The following CHODL variants were observed in gnomAD, a reference collection of about 807,000 sequenced individuals.
CHODL encodes chondrolectin.
In CHODL, 29 loss-of-function variants were observed where a neutral mutation model predicts 34.5. That is an observed-to-expected ratio of 0.84 (90% CI 0.63 to 1.15). The LOEUF is 1.15. CHODL is among the 50% of genes most tolerant of loss of function. CHODL has a pLI of 0.00. For synonymous variants in CHODL, 125 were observed against 116.1 expected, an observed-to-expected ratio of 1.08 and a Z score of -0.49; for missense variants, 332 against 332.5, an observed-to-expected ratio of 1.00 and a Z score of 0.01.
At chr21:18,086,043 T>C (rs961196409) in intron 2 of CHODL, among the ~76,000 whole-genome samples, 1 of 47,906 alleles carries the variant, frequency 2.1e-5, no homozygotes, top group African/African-American at 2.1e-4. Flanking sequence ...ACTTTGTTCT[T>C]TTTTTTTTTT....
chr21:18,109,164 A>G, intron 2 of CHODL, among the ~76,000 whole-genome samples: 1 of 152,266 alleles, frequency 6.6e-6, no homozygotes, highest in East Asian at 1.9e-4. Context: ...AGTTGTAGGG[A>G]TGACTTATAT....
chr21:17,998,313 GTC>G (rs962297113), intron 1 of CHODL, among the ~76,000 whole-genome samples: 1 of 152,204 alleles, frequency 6.6e-6, no homozygotes, highest in Non-Finnish European at 1.5e-5. Flanking sequence ...TCAGGGTACA[GTC>G]TCTCTCCTGG....
At chr21:17,927,532 T>C (rs2146316031) in intron 1 of CHODL, among the ~76,000 whole-genome samples, 1 of 152,270 alleles carries the variant, frequency 6.6e-6, no homozygotes, top group African/African-American at 2.4e-5. Flanking sequence ...TGGAAGATTT[T>C]CAAGGCATAA....
intron 2 of CHODL, among the ~76,000 whole-genome samples, chr21:18,214,153 TA>T (rs1249943894): frequency 6.6e-6 from 1 of 152,076 alleles, no homozygotes; most frequent in Admixed American, 6.6e-5. Context: ...ATTACTGGTT[TA>T]AATTTTGACT....
intron 2 of CHODL, among the ~76,000 whole-genome samples, chr21:18,108,958 A>G (rs907328485): frequency 6.6e-6 from 1 of 152,044 alleles, no homozygotes; most frequent in African/African-American, 2.4e-5. Context: ...CATATCACAG[A>G]ATATTGAAAT....
chr21:17,958,824 G>T (rs1455814449), intron 1 of CHODL, among the ~76,000 whole-genome samples: 2 of 152,116 alleles, frequency 1.3e-5, no homozygotes, highest in African/African-American at 4.8e-5. Flanking sequence ...AAATGCACAT[G>T]ATATTTCAAT....
At chr21:17,984,901 A>G (rs554105756) in intron 1 of CHODL, among the ~76,000 whole-genome samples, 36 of 152,232 alleles carry the variant, frequency 2.4e-4, no homozygotes, top group African/African-American at 8.4e-4. Context: ...GGATTTTTAA[A>G]TTCTTATATA....
intron 1 of CHODL, among the ~76,000 whole-genome samples, chr21:17,951,607 G>A (rs1389349746): frequency 6.6e-6 from 1 of 151,856 alleles, no homozygotes; most frequent in African/African-American, 2.4e-5. Context: ...AAATTCATAG[G>A]GTAAAGAGTC....
At chr21:18,194,972 A>T (rs2073565533) in intron 2 of CHODL, among the ~76,000 whole-genome samples, 1 of 152,012 alleles carries the variant, frequency 6.6e-6, no homozygotes, top group Non-Finnish European at 1.5e-5. Context: ...AGAAAACCTA[A>T]AATCTACTCA....
At chr21:18,092,635 A>G (rs969383323) in intron 2 of CHODL, among the ~76,000 whole-genome samples, 2 of 152,238 alleles carry the variant, frequency 1.3e-5, no homozygotes, top group African/African-American at 4.8e-5. Context: ...AAATAATTAA[A>G]AAGAATCAAG....
chr21:18,014,472 A>G (rs565734890), intron 1 of CHODL, among the ~76,000 whole-genome samples: 3 of 152,328 alleles, frequency 2.0e-5, no homozygotes, highest in African/African-American at 7.2e-5. Context: ...ACTATGGACT[A>G]CTACACAGAA....
At chr21:18,168,286 G>A (rs1374168805) in intron 2 of CHODL, among the ~76,000 whole-genome samples, 1 of 152,134 alleles carries the variant, frequency 6.6e-6, no homozygotes, top group Non-Finnish European at 1.5e-5. Context: ...TCTTTTATGT[G>A]TACAACTATC....
chr21:18,092,498 A>T (rs558667299), intron 2 of CHODL, among the ~76,000 whole-genome samples: 1 of 152,350 alleles, frequency 6.6e-6, no homozygotes, highest in South Asian at 2.1e-4. Flanking sequence ...GGCACCAGGG[A>T]CTAATTCTGG....
chr21:17,989,204 C>T (rs150412355), intron 1 of CHODL, among the ~76,000 whole-genome samples: 4 of 152,260 alleles, frequency 2.6e-5, no homozygotes, highest in African/African-American at 7.2e-5. Flanking sequence ...TAGGCAAAGA[C>T]TGGATGCAGA....
chr21:17,925,412 T>C (rs1414147385), intron 1 of CHODL, among the ~76,000 whole-genome samples: 1 of 152,042 alleles, frequency 6.6e-6, no homozygotes, highest in Admixed American at 6.5e-5. Flanking sequence ...CTGACTTTCA[T>C]GCTGAGTGTA....
At chr21:17,936,342 G>A (rs2063318923) in intron 1 of CHODL, among the ~76,000 whole-genome samples, 1 of 151,942 alleles carries the variant, frequency 6.6e-6, no homozygotes, top group East Asian at 1.9e-4. Context: ...TTTGGTTTGA[G>A]AAAATAAATC....
chr21:18,034,327 T>C (rs2064283600), intron 2 of CHODL, among the ~76,000 whole-genome samples: 1 of 152,062 alleles, frequency 6.6e-6, no homozygotes, highest in South Asian at 2.1e-4. Context: ...TAGTAATTGA[T>C]GTCGTCATCT....
intron 1 of CHODL, among the ~76,000 whole-genome samples, chr21:17,927,411 G>A (rs2063237827): frequency 6.6e-6 from 1 of 152,052 alleles, no homozygotes; most frequent in Middle Eastern, 3.2e-3. Context: ...GCTACGTGCT[G>A]TTCTTATATT....
chr21:18,028,584 A>G (rs1034667439), intron 2 of CHODL, among the ~76,000 whole-genome samples: 6 of 151,270 alleles, frequency 4.0e-5, no homozygotes, highest in African/African-American at 1.5e-4. Context: ...TTGTAATCCC[A>G]GCTATTTGGG....
Sources: allele counts gnomAD v4.1 joint callset (sites outside exome capture counted in the v4.1 genomes callset), GRCh38; gene constraint gnomAD v4.1.1; transcripts MANE v1.5; gene names NCBI Gene and HGNC (gene_info 2026-07-23, HGNC 2026-07-21).